Variants in STK32B observed in about 807,000 individuals in gnomAD.
The protein encoded by STK32B is serine/threonine-protein kinase 32B.
In STK32B, 43 loss-of-function variants were observed where a neutral mutation model predicts 52.6. The observed-to-expected ratio is 0.82, with a 90% CI of 0.64 to 1.05. The LOEUF is 1.05. Among genes scored for constraint, STK32B ranks in the 50% least tolerant of loss-of-function variants. STK32B has a pLI of 0.00. For missense variants in STK32B, 621 were observed against 534.6 expected, an observed-to-expected ratio of 1.16 and a Z score of -1.59; for synonymous variants, 238 against 204.3, an observed-to-expected ratio of 1.17 and a Z score of -1.41.
chr4:5,175,770 G>A (rs753779022), intron 3 of STK32B, among the ~76,000 whole-genome samples: 16 of 152,350 alleles, frequency 1.1e-4, no homozygotes, highest in Non-Finnish European at 1.6e-4. Context: ...TGAGGAGGCC[G>A]TCTGCCTGTG....
intron 2 of STK32B, among the ~76,000 whole-genome samples, chr4:5,167,749 TCTGAGGACATTAATTCC>T (rs1718990133): frequency 6.6e-6 from 1 of 152,168 alleles, no homozygotes; most frequent in African/African-American, 2.4e-5. Context: ...CGAATGTTGC[TCTGAGGACATTAATTCC>T]CTGGCTTGGC....
intron 1 of STK32B, among the ~76,000 whole-genome samples, chr4:5,066,377 T>C (rs913085829): frequency 1.3e-5 from 2 of 152,208 alleles, no homozygotes; most frequent in African/African-American, 4.8e-5. Context: ...GCTTCCTGAC[T>C]GGCCTCCCTG....
At chr4:5,239,319 C>G (rs879465958) in intron 3 of STK32B, among the ~76,000 whole-genome samples, 5 of 152,086 alleles carry the variant, frequency 3.3e-5, no homozygotes, top group Non-Finnish European at 7.4e-5. Flanking sequence ...GTGAGGTTAT[C>G]CCAGTGGAGG....
intron 3 of STK32B, among the ~76,000 whole-genome samples, chr4:5,178,112 C>A (rs941347462): frequency 6.6e-6 from 1 of 152,228 alleles, no homozygotes; most frequent in Admixed American, 6.5e-5. Flanking sequence ...CAGAGGTTCT[C>A]CATAAGGGCT....
At chr4:5,353,291 A>G (rs1440546629) in intron 4 of STK32B, among the ~76,000 whole-genome samples, 2 of 152,202 alleles carry the variant, frequency 1.3e-5, no homozygotes, top group Non-Finnish European at 2.9e-5. Flanking sequence ...ACAATAAACT[A>G]TAAAACTACT....
At chr4:5,372,725 G>A (rs551650419) in intron 4 of STK32B, among the ~76,000 whole-genome samples, 3 of 150,516 alleles carry the variant, frequency 2.0e-5, no homozygotes, top group Non-Finnish European at 3.0e-5. Context: ...AAAGTTGGGG[G>A]GGGGGGCGGT....
intron 1 of STK32B, 39 bp from the exon 2 acceptor site, chr4:5,139,866 G>A (rs1341735597): frequency 1.2e-6 from 2 of 1,613,276 alleles, no homozygotes; most frequent in South Asian, 2.2e-5. Flanking sequence ...ACCAGGTTTA[G>A]CAAATCTGAC....
intron 11 of STK32B, among the ~76,000 whole-genome samples, chr4:5,479,760 C>T (rs1274504379): frequency 6.6e-6 from 1 of 152,160 alleles, no homozygotes; most frequent in Non-Finnish European, 1.5e-5. Flanking sequence ...ATCCACCCCC[C>T]ATTTCCAACT....
chr4:5,144,791 TCCATCCATCCATC>T (rs1560175544), intron 2 of STK32B, among the ~76,000 whole-genome samples: 3 of 130,868 alleles, frequency 2.3e-5, no homozygotes, highest in East Asian at 2.3e-4. Context: ...CACTCATCCA[TCCATCCATCCATC>T]CATCCATCCA....
chr4:5,170,060 C>G (rs1577135072), intron 3 of STK32B, among the ~76,000 whole-genome samples: 1 of 152,178 alleles, frequency 6.6e-6, no homozygotes, highest in African/African-American at 2.4e-5. Flanking sequence ...TAATATTCCA[C>G]TAAGGAAAAG....
At chr4:5,157,944 A>G (rs1288740238) in intron 2 of STK32B, among the ~76,000 whole-genome samples, 2 of 152,196 alleles carry the variant, frequency 1.3e-5, no homozygotes, top group Non-Finnish European at 2.9e-5. Context: ...CATCTTCATG[A>G]AGGTTGGAAT....
At chr4:5,145,117 C>T (rs1716809662) in intron 2 of STK32B, among the ~76,000 whole-genome samples, 1 of 152,092 alleles carries the variant, frequency 6.6e-6, no homozygotes, top group Non-Finnish European at 1.5e-5. Context: ...ATTTTTTTCT[C>T]ATTATTTTAG....
intron 2 of STK32B, among the ~76,000 whole-genome samples, chr4:5,160,814 C>T (rs542988360): frequency 6.6e-6 from 1 of 152,278 alleles, no homozygotes; most frequent in African/African-American, 2.4e-5. Flanking sequence ...GATGGGAGCA[C>T]AGCAGAGAGG....
chr4:5,442,835 A>T (rs1336102713), intron 6 of STK32B, among the ~76,000 whole-genome samples: 4 of 152,238 alleles, frequency 2.6e-5, no homozygotes, highest in African/African-American at 9.6e-5. Context: ...GCTTGTCTGT[A>T]AAGGATTTTA....
At chr4:5,361,358 T>C (rs1401728865) in intron 4 of STK32B, among the ~76,000 whole-genome samples, 1 of 152,224 alleles carries the variant, frequency 6.6e-6, no homozygotes, top group African/African-American at 2.4e-5. Flanking sequence ...CTGGATCATA[T>C]AGTAATTCTA....
chr4:5,240,656 C>T (rs145989110), intron 3 of STK32B, among the ~76,000 whole-genome samples: 1 of 152,114 alleles, frequency 6.6e-6, no homozygotes, highest in Non-Finnish European at 1.5e-5. Flanking sequence ...GATGTGGTTT[C>T]ACCATGTTGG....
chr4:5,411,049 T>C (rs1336568855), intron 5 of STK32B, among the ~76,000 whole-genome samples: 1 of 151,880 alleles, frequency 6.6e-6, no homozygotes, highest in Non-Finnish European at 1.5e-5. Flanking sequence ...TTTTTTTTTT[T>C]TTTTGAGATG....
intron 3 of STK32B, among the ~76,000 whole-genome samples, chr4:5,170,530 A>G (rs1476117844): frequency 1.3e-5 from 2 of 151,936 alleles, no homozygotes; most frequent in African/African-American, 2.4e-5. Flanking sequence ...TCATTGTTCA[A>G]TACCCACCTA....
At chr4:5,418,195 T>C (rs189763636) in intron 6 of STK32B, among the ~76,000 whole-genome samples, 139 of 152,392 alleles carry the variant, frequency 9.1e-4, no homozygotes, top group African/African-American at 2.5e-3. Context: ...GGCTATAGTT[T>C]CATTCTGTTT....
Sources: gnomAD v4.1 joint callset for allele counts (sites outside exome capture counted in the v4.1 genomes callset) on GRCh38, gnomAD v4.1.1 for gene constraint, MANE v1.5 for transcripts, NCBI Gene and HGNC (gene_info 2026-07-23, HGNC 2026-07-21) for gene names.